The following NTM variants were observed in gnomAD, a reference collection of about 807,000 sequenced individuals.
NTM encodes the protein neurotrimin.
A neutral mutation model predicts 42.1 loss-of-function variants in NTM; 13 were observed. The observed-to-expected ratio is 0.31, with a 90% CI of 0.20 to 0.49. The LOEUF is 0.49. Among genes scored for constraint, NTM ranks in the 20% least tolerant of loss-of-function variants. NTM has a pLI of 0.99. For missense variants in NTM, 373 were observed against 452.8 expected (o/e 0.82, Z 1.60); for synonymous variants, 187 against 179.2 (o/e 1.04, Z -0.35).
chr11:131,649,033 C>T lies in NTM; in HGVS notation c.83-262531C>T, dbSNP rs117012305. Among the ~76,000 whole-genome samples, 1,185 of 152,258 alleles carry T rather than the reference C, an allele frequency of 7.8e-3. 24 individuals are homozygous for T. Among genetic ancestry groups the T allele is most frequent in the Non-Finnish European group, 6.0e-3 (406 of 68,018 alleles). The stretch of plus-strand genomic sequence containing the variant: ...CCCTGAGGTCCGCTGATGTTGTGCC[C>T]GTGTTTTCCCTCTCATCGAGCACTA... On this transcript the variant is annotated intron_variant, in intron 1 of 8. Transcript: ENST00000683400.
At chr11:132,222,246 C>T (rs1476946362) in intron 4 of NTM, among the ~76,000 whole-genome samples, 1 of 152,182 alleles carries the variant, frequency 6.6e-6, no homozygotes, top group Non-Finnish European at 1.5e-5. Context: ...CAACCTTTCT[C>T]TTTCCTCTCT....
At chr11:131,522,356 G>GA (rs1565596371) in intron 1 of NTM, among the ~76,000 whole-genome samples, 1 of 126,846 alleles carries the variant, frequency 7.9e-6, no homozygotes. Flanking sequence ...AGAACAACAA[G>GA]AAAAAAAAAA....
At chr11:131,961,450 T>G (rs1175979025) in intron 2 of NTM, among the ~76,000 whole-genome samples, 1 of 152,154 alleles carries the variant, frequency 6.6e-6, no homozygotes, top group East Asian at 1.9e-4. Context: ...CGTCAAGTAA[T>G]CCTTGACTAT....
intron 1 of NTM, among the ~76,000 whole-genome samples, chr11:131,735,573 T>C (rs1216204049): frequency 1.3e-5 from 2 of 152,200 alleles, no homozygotes; most frequent in African/African-American, 4.8e-5. Context: ...AGGCTAGTCT[T>C]GTTCCACATA....
intron 2 of NTM, among the ~76,000 whole-genome samples, chr11:131,949,827 T>G (rs908768867): frequency 6.6e-6 from 1 of 152,234 alleles, no homozygotes; most frequent in South Asian, 2.1e-4. Flanking sequence ...TGATGTTGGA[T>G]GGACATTTCC....
At chr11:131,959,086 C>G (rs954142895) in intron 2 of NTM, among the ~76,000 whole-genome samples, 3 of 152,086 alleles carry the variant, frequency 2.0e-5, no homozygotes, top group Non-Finnish European at 4.4e-5. Context: ...TTTTTGTTCC[C>G]CAGGTCTCAA....
intron 1 of NTM, among the ~76,000 whole-genome samples, chr11:131,820,240 C>T (rs917851660): frequency 1.3e-5 from 2 of 152,140 alleles, no homozygotes; most frequent in East Asian, 3.9e-4. Context: ...GTCTGTCTCC[C>T]TCTGCCTTTC....
chr11:131,969,515 C>T lies in NTM; in HGVS notation c.167+57867C>T, dbSNP rs1593266127. ...AGAGCAGGCTCCTTTAATCTGTTGG[C>T]TTTGGAGACTGAGCAAGGGGAGGCA... On this transcript the variant is annotated intron_variant, in intron 2 of 8. Coordinates refer to ENST00000683400, the MANE Select transcript of NTM (RefSeq NM_001352005.2). Among the ~76,000 whole-genome samples, 4 of 152,262 alleles carry T rather than the reference C, an allele frequency of 2.6e-5. No homozygotes were observed. The Middle Eastern group carries it at 0.014, about 518-fold the overall frequency.
At chr11:131,544,829 G>T (rs902291984) in intron 1 of NTM, among the ~76,000 whole-genome samples, 7 of 152,230 alleles carry the variant, frequency 4.6e-5, no homozygotes, top group African/African-American at 1.4e-4. Flanking sequence ...AGCCCTCCAG[G>T]CGAATCTCTG....
chr11:132,211,971 T>G (rs1355048448), intron 3 of NTM, 51 bp from the exon 4 acceptor site: 1 of 1,581,502 alleles, frequency 6.3e-7, no homozygotes, highest in Admixed American at 1.8e-5. Context: ...TTAAGACAAC[T>G]AAGAAATGTT....
chr11:132,110,421 A>T (rs772213625), intron 2 of NTM, among the ~76,000 whole-genome samples: 2 of 152,238 alleles, frequency 1.3e-5, no homozygotes, highest in African/African-American at 4.8e-5. Flanking sequence ...AATTGTCGAC[A>T]TATGGCTGAA....
chr11:131,918,264 G>A (rs918738078), intron 2 of NTM, among the ~76,000 whole-genome samples: 1 of 152,152 alleles, frequency 6.6e-6, no homozygotes, highest in African/African-American at 2.4e-5. Context: ...GTTTCCCTAA[G>A]TGCAAAAGCA....
At chr11:131,582,585 T>C (rs1334378475) in intron 1 of NTM, among the ~76,000 whole-genome samples, 2 of 123,234 alleles carry the variant, frequency 1.6e-5, no homozygotes, top group African/African-American at 6.2e-5. Context: ...TGAGTCTCCA[T>C]GTTCTTGCTT....
rs1048334594 is a variant in NTM, at chr11:131,735,899, C to T, written c.83-175665C>T. On this transcript the variant is annotated intron_variant, in intron 1 of 8. Coordinates refer to ENST00000683400, the MANE Select transcript of NTM (RefSeq NM_001352005.2). ...GTATAAAAAAATATATGGAGTCTTGCTTTGTCTCACTGCAACCTCCACCTC... is the reference window on the plus strand; with the variant it reads ...GTATAAAAAAATATATGGAGTCTTGTTTTGTCTCACTGCAACCTCCACCTC... Among the ~76,000 whole-genome samples the T allele has an allele frequency of 1.0e-3, 152 of 150,580 alleles. 1 individual carries two copies. The highest frequency in any genetic ancestry group is 3.5e-3 in the African/African-American group (144 of 40,802).
At chr11:132,091,405 C>CA (rs542142067) in intron 2 of NTM, among the ~76,000 whole-genome samples, 29 of 149,036 alleles carry the variant, frequency 1.9e-4, no homozygotes, top group South Asian at 6.4e-4. Flanking sequence ...GACTCTGTCT[C>CA]AAAAAAAAAT....
chr11:132,147,145 C>G (rs1159757835), intron 3 of NTM, among the ~76,000 whole-genome samples: 1 of 151,462 alleles, frequency 6.6e-6, no homozygotes, highest in Non-Finnish European at 1.5e-5. Context: ...TTCTCCTCCC[C>G]TGACTCCTAG....
At chr11:131,640,909 A>C (rs573576222) in intron 1 of NTM, among the ~76,000 whole-genome samples, 143 of 152,344 alleles carry the variant, frequency 9.4e-4, no homozygotes, top group South Asian at 2.3e-3. Context: ...CAGGCTACAG[A>C]ATTAAGCAAG....
chr11:131,644,335 C>T (rs553119236), intron 1 of NTM, among the ~76,000 whole-genome samples: 22 of 152,260 alleles, frequency 1.4e-4, no homozygotes, highest in African/African-American at 3.6e-4. Flanking sequence ...CTGAACTTCT[C>T]GCTCCAGTGG....
intron 4 of NTM, among the ~76,000 whole-genome samples, chr11:132,253,995 C>T (rs2092245578): frequency 6.6e-6 from 1 of 152,186 alleles, no homozygotes; most frequent in Non-Finnish European, 1.5e-5. Flanking sequence ...GAGGCAGTCT[C>T]TGCAGGTTTA....
Sources: allele counts gnomAD v4.1 joint callset (sites outside exome capture counted in the v4.1 genomes callset), GRCh38; gene constraint gnomAD v4.1.1; transcripts MANE v1.5; gene names NCBI Gene and HGNC (gene_info 2026-07-23, HGNC 2026-07-21).